The following BICC1 variants were observed in gnomAD, a reference collection of about 807,000 sequenced individuals.
BICC1 encodes BicC family RNA binding protein 1, also known as protein bicaudal C homolog 1.
A neutral mutation model predicts 111.0 loss-of-function variants in BICC1; 43 were observed. The observed-to-expected ratio is 0.39, with a 90% CI of 0.30 to 0.50. The LOEUF is 0.50. Ranked by LOEUF, BICC1 falls within the 20% of genes least tolerant of loss-of-function variation. BICC1 has a pLI of 0.88. For missense variants in BICC1, 1,091 were observed against 1,203.2 expected (o/e 0.91, Z 1.38); for synonymous variants, 467 against 434.4 (o/e 1.07, Z -0.93).
Position 58,799,210 on chromosome 10 carries a change from C to G in BICC1, c.1683C>G (p.Thr561=). 2 of 1,612,306 alleles carry G rather than the reference C, an allele frequency of 1.2e-6. No individual in the cohort carries two copies. The highest frequency in any genetic ancestry group is 1.1e-5 in the South Asian group (1 of 90,844). ...PVDVHINSMQ[T]EGKKISAALN... is the part of the protein sequence containing the mutation. ...ATGTCCATATCAACAGTATGCAGAC[C>G]GAAGGCAAAAAAATCTCTGCTGCTT... is the stretch of plus-strand genomic sequence containing the variant. The change falls in exon 12 of 21, where the codon ACC becomes ACG. Residue 561 remains threonine (T), a synonymous_variant. Coordinates refer to ENST00000373886, the MANE Select transcript of BICC1 (RefSeq NM_001080512.3).
chr10:58,826,727 C>T (rs1844409715), intron 20 of BICC1, among the ~76,000 whole-genome samples: 1 of 152,154 alleles, frequency 6.6e-6, no homozygotes, highest in Non-Finnish European at 1.5e-5. Context: ...CTACTGCACT[C>T]CAGCCTGGGC....
rs1328259172 is a variant in BICC1 at position 58,786,960 on chromosome 10, C to A, written c.425C>A (p.Thr142Lys). ...ACACTGAAGATGGATGTTTCACATACAGAACATTCACATGTAATCGGCAAA... is the reference window on the plus strand; with the variant it reads ...ACACTGAAGATGGATGTTTCACATAAAGAACATTCACATGTAATCGGCAAA... The part of the protein sequence containing the change: ...RVTLKMDVSH[T>K]EHSHVIGKGG... Residue 142 changes from threonine to lysine, a missense_variant, in exon 5 of 21, where the codon ACA (threonine) becomes AAA (lysine). Around this residue, in one of 3 missense-constraint regions of BICC1, gnomAD observed 843 missense variants for 900.8 expected, o/e 0.94. Transcript: ENST00000373886. The A allele has an allele frequency of 6.2e-7, 1 of 1,601,952 alleles. No individual in the cohort carries two copies. The highest frequency in any genetic ancestry group is 1.7e-5 in the Admixed American group (1 of 57,492).
At chr10:58,610,799 T>C (rs988841835) in intron 1 of BICC1, among the ~76,000 whole-genome samples, 1 of 152,176 alleles carries the variant, frequency 6.6e-6, no homozygotes, top group Non-Finnish European at 1.5e-5. Context: ...GGTGTCTATT[T>C]CTGTCTTCTT....
intron 1 of BICC1, among the ~76,000 whole-genome samples, chr10:58,586,640 A>T (rs1425057478): frequency 2.0e-5 from 3 of 151,798 alleles, no homozygotes; most frequent in Non-Finnish European, 4.4e-5. Flanking sequence ...AAACAAAAAA[A>T]AACCTCATAC....
At chr10:58,807,626 C>G (rs1843749510) in intron 17 of BICC1, among the ~76,000 whole-genome samples, 1 of 152,150 alleles carries the variant, frequency 6.6e-6, no homozygotes, top group African/African-American at 2.4e-5. Context: ...CAAGAAGTAT[C>G]TGAAACAAGT....
chr10:58,617,651 T>C (rs896310624), intron 1 of BICC1, among the ~76,000 whole-genome samples: 2 of 152,248 alleles, frequency 1.3e-5, no homozygotes, highest in African/African-American at 2.4e-5. Flanking sequence ...ACAGCATGAA[T>C]GGTGATCACC....
chr10:58,530,123 G>A (rs1038126628), intron 1 of BICC1, among the ~76,000 whole-genome samples: 2 of 151,714 alleles, frequency 1.3e-5, no homozygotes, highest in African/African-American at 2.4e-5. Flanking sequence ...GAGAGGAAAC[G>A]TATCTGTATT....
intron 2 of BICC1, among the ~76,000 whole-genome samples, chr10:58,659,570 A>G (rs1451491255): frequency 1.3e-5 from 2 of 152,068 alleles, no homozygotes; most frequent in Non-Finnish European, 2.9e-5. Context: ...GGGTGGAGGG[A>G]GGGAGGAGGG....
intron 2 of BICC1, among the ~76,000 whole-genome samples, chr10:58,663,072 T>C (rs1309041268): frequency 6.0e-4 from 87 of 144,300 alleles, no homozygotes; most frequent in Non-Finnish European, 1.1e-3. Flanking sequence ...TTTTCTTTTT[T>C]TTTTTTTTTT....
At chr10:58,732,650 G>A (rs1021060992) in intron 3 of BICC1, among the ~76,000 whole-genome samples, 1 of 151,420 alleles carries the variant, frequency 6.6e-6, no homozygotes, top group African/African-American at 2.4e-5. Flanking sequence ...GTGTAGTGAT[G>A]CACATCTGTA....
intron 1 of BICC1, among the ~76,000 whole-genome samples, chr10:58,520,173 G>T (rs976440057): frequency 1.3e-5 from 2 of 152,108 alleles, no homozygotes; most frequent in South Asian, 4.1e-4. Flanking sequence ...TTCTTAGTTC[G>T]TTTTAAGATA....
chr10:58,532,076 T>A (rs1296829689), intron 1 of BICC1, among the ~76,000 whole-genome samples: 1 of 151,690 alleles, frequency 6.6e-6, no homozygotes, highest in Non-Finnish European at 1.5e-5. Context: ...TATAAGAAGC[T>A]CAAAGGACTA....
intron 3 of BICC1, among the ~76,000 whole-genome samples, chr10:58,769,402 GTGTATATATA>G (rs931895863): frequency 2.7e-5 from 3 of 112,230 alleles, no homozygotes; most frequent in Non-Finnish European, 5.7e-5. Context: ...GTGTGTGTGT[GTGTATATATA>G]TATATATATA....
intron 2 of BICC1, among the ~76,000 whole-genome samples, chr10:58,663,631 G>T (rs547157008): frequency 2.0e-4 from 30 of 152,262 alleles, no homozygotes; most frequent in Non-Finnish European, 4.0e-4. Context: ...GAACCCTATT[G>T]TGAACTGTGC....
chr10:58,713,012 A>G (rs1209100033), intron 3 of BICC1, among the ~76,000 whole-genome samples: 2 of 152,256 alleles, frequency 1.3e-5, no homozygotes, highest in Non-Finnish European at 2.9e-5. Context: ...AATATACTAT[A>G]TGCAAAGATA....
chr10:58,538,760 A>T (rs1842887244), intron 1 of BICC1, among the ~76,000 whole-genome samples: 1 of 152,014 alleles, frequency 6.6e-6, no homozygotes, highest in South Asian at 2.1e-4. Flanking sequence ...CCCATTAAAG[A>T]GTGGGCAAAG....
At chr10:58,538,766 C>A (rs1357550696) in intron 1 of BICC1, among the ~76,000 whole-genome samples, 1 of 151,840 alleles carries the variant, frequency 6.6e-6, no homozygotes, top group Non-Finnish European at 1.5e-5. Flanking sequence ...AAAGAGTGGG[C>A]AAAGGACATG....
chr10:58,724,255 A>G (rs535685374), intron 3 of BICC1, among the ~76,000 whole-genome samples: 1 of 152,370 alleles, frequency 6.6e-6, no homozygotes, highest in Admixed American at 6.5e-5. Context: ...TAATCTAAGC[A>G]CTTAATAACT....
intron 1 of BICC1, among the ~76,000 whole-genome samples, chr10:58,620,409 A>C (rs952901134): frequency 2.0e-5 from 3 of 152,166 alleles, no homozygotes; most frequent in African/African-American, 7.2e-5. Flanking sequence ...GCTGAAATTC[A>C]AGTAGATTAT....
Sources: allele counts gnomAD v4.1 joint callset (sites outside exome capture counted in the v4.1 genomes callset), GRCh38; gene constraint gnomAD v4.1.1; regional missense constraint gnomAD v4.1.1; transcripts MANE v1.5; gene names NCBI Gene and HGNC (gene_info 2026-07-23, HGNC 2026-07-21).